Variants in MSI2 observed in about 807,000 individuals in gnomAD.
MSI2 encodes musashi RNA binding protein 2, also known as RNA-binding protein Musashi homolog 2.
MSI2 carries 17 observed loss-of-function variants against 45.6 expected under a neutral mutation model. The observed-to-expected ratio is 0.37, with a 90% CI of 0.26 to 0.56. The LOEUF (loss-of-function observed/expected upper bound fraction) is 0.56. Ranked by LOEUF, MSI2 falls within the 20% of genes least tolerant of loss-of-function variation. The pLI, the probability that MSI2 is intolerant of heterozygous loss-of-function variation, is 0.77. For synonymous variants in MSI2, 156 were observed against 158.2 expected (o/e 0.99, Z 0.11); for missense variants, 293 against 444.2 (o/e 0.66, Z 3.06).
At chr17:57,490,774 C>T (rs1567855275) in intron 6 of MSI2, among the ~76,000 whole-genome samples, 1 of 152,210 alleles carries the variant, frequency 6.6e-6, no homozygotes, top group Non-Finnish European at 1.5e-5. Context: ...TTTGGTTAAA[C>T]ATTTTGGCCT....
At chr17:57,550,792 AC>A (rs1283466992) in intron 7 of MSI2, among the ~76,000 whole-genome samples, 1 of 152,150 alleles carries the variant, frequency 6.6e-6, no homozygotes, top group Non-Finnish European at 1.5e-5. Context: ...GACAGTTCGC[AC>A]ATCCAAGACC....
chr17:57,436,699 G>T (rs1465690834), intron 6 of MSI2, among the ~76,000 whole-genome samples: 1 of 152,188 alleles, frequency 6.6e-6, no homozygotes, highest in African/African-American at 2.4e-5. Flanking sequence ...GAAAGATGCC[G>T]CTTGCTGTGG....
At chr17:57,612,884 T>A (rs1907308292) in intron 8 of MSI2, among the ~76,000 whole-genome samples, 1 of 152,202 alleles carries the variant, frequency 6.6e-6, no homozygotes, top group African/African-American at 2.4e-5. Flanking sequence ...CTTGCTGGTG[T>A]TGGCTTTGGG....
chr17:57,274,618 T>G (rs1457553266), intron 5 of MSI2: 1 of 152,234 alleles, frequency 6.6e-6, no homozygotes, highest in African/African-American at 2.4e-5. Flanking sequence ...TCTTCTGCCT[T>G]ACGTATTTTT....
chr17:57,575,944 CAA>C (rs34036311), intron 7 of MSI2, among the ~76,000 whole-genome samples: 2,007 of 64,142 alleles, frequency 0.031, 13 homozygotes, highest in African/African-American at 0.074. Context: ...GACTCCGTCT[CAA>C]AAAAAAAAAA....
At chr17:57,515,479 A>G (rs2086451930) in intron 6 of MSI2, among the ~76,000 whole-genome samples, 2 of 152,196 alleles carry the variant, frequency 1.3e-5, no homozygotes, top group African/African-American at 4.8e-5. Flanking sequence ...TGCTGGGATT[A>G]CAGGTGTGAG....
chr17:57,288,357 A>G (rs1910108316), intron 5 of MSI2, among the ~76,000 whole-genome samples: 1 of 152,086 alleles, frequency 6.6e-6, no homozygotes, highest in Non-Finnish European at 1.5e-5. Context: ...CATTGATTTT[A>G]CTGCTTTGGA....
At chr17:57,365,455 A>G (rs755268933) in intron 5 of MSI2, among the ~76,000 whole-genome samples, 13 of 152,204 alleles carry the variant, frequency 8.5e-5, no homozygotes, top group Non-Finnish European at 1.8e-4. Flanking sequence ...TGGAGCTCAC[A>G]GGAAAGTGTG....
intron 6 of MSI2, among the ~76,000 whole-genome samples, chr17:57,476,305 G>A (rs1018426062): frequency 2.0e-5 from 3 of 152,174 alleles, no homozygotes; most frequent in Non-Finnish European, 4.4e-5. Flanking sequence ...GCATTGCAAC[G>A]CATTAGGAAC....
At chr17:57,606,902 G>C (rs112792920) in intron 8 of MSI2, among the ~76,000 whole-genome samples, 2,391 of 152,014 alleles carry the variant, frequency 0.016, 72 homozygotes, top group African/African-American at 0.054. Context: ...TGATGGGGGG[G>C]GGTGGCTGGC....
chr17:57,278,593 T>C (rs1005777264), intron 5 of MSI2: 3 of 152,356 alleles, frequency 2.0e-5, no homozygotes, highest in Non-Finnish European at 4.4e-5. Flanking sequence ...GCAGACAGAG[T>C]TGTCTTTTTA....
chr17:57,608,835 C>T (rs1219104867), intron 8 of MSI2, among the ~76,000 whole-genome samples: 3 of 152,140 alleles, frequency 2.0e-5, no homozygotes, highest in East Asian at 1.9e-4. Context: ...TGGGTCTCCC[C>T]GAATCTTGAT....
chr17:57,512,786 C>G (rs2086382521), intron 6 of MSI2, among the ~76,000 whole-genome samples: 1 of 151,984 alleles, frequency 6.6e-6, no homozygotes, highest in Non-Finnish European at 1.5e-5. Flanking sequence ...TCAGGTGAAG[C>G]CAGCCTTGCC....
At chr17:57,574,726 T>C (rs1185408286) in intron 7 of MSI2, among the ~76,000 whole-genome samples, 1 of 152,120 alleles carries the variant, frequency 6.6e-6, no homozygotes, top group African/African-American at 2.4e-5. Flanking sequence ...ATCTATCTTC[T>C]ACCAACTACT....
At chr17:57,324,427 A>G (rs961900600) in intron 5 of MSI2, among the ~76,000 whole-genome samples, 6 of 152,042 alleles carry the variant, frequency 3.9e-5, no homozygotes, top group Admixed American at 3.3e-4. Context: ...CTCTGATGGG[A>G]CATTCAGTGA....
intron 6 of MSI2, among the ~76,000 whole-genome samples, chr17:57,511,433 G>A (rs1372528774): frequency 6.6e-6 from 1 of 152,186 alleles, no homozygotes; most frequent in African/African-American, 2.4e-5. Context: ...GGTTCATTAA[G>A]CTGGAATAGT....
intron 6 of MSI2, among the ~76,000 whole-genome samples, chr17:57,462,306 C>T (rs1011038490): frequency 1.3e-5 from 2 of 152,222 alleles, no homozygotes; most frequent in Admixed American, 6.5e-5. Flanking sequence ...ACCTGCCTGG[C>T]CCTTCATGGT....
At chr17:57,602,331 G>GT (rs955304320) in intron 8 of MSI2, among the ~76,000 whole-genome samples, 43 of 151,878 alleles carry the variant, frequency 2.8e-4, no homozygotes, top group African/African-American at 9.7e-4. Context: ...CCTGCTTTCT[G>GT]TTTTTTGTTT....
intron 10 of MSI2, among the ~76,000 whole-genome samples, chr17:57,644,319 C>G (rs1910487958): frequency 6.7e-6 from 1 of 148,584 alleles, no homozygotes; most frequent in South Asian, 2.1e-4. Flanking sequence ...TGTTCCTCCT[C>G]TTTGCACCCC....
Sources: gnomAD v4.1 joint callset for allele counts (sites outside exome capture counted in the v4.1 genomes callset) on GRCh38, gnomAD v4.1.1 for gene constraint, MANE v1.5 for transcripts, NCBI Gene and HGNC (gene_info 2026-07-23, HGNC 2026-07-21) for gene names.